Variants in GRID1 observed in about 807,000 individuals in gnomAD.
GRID1 encodes the protein glutamate ionotropic receptor delta type subunit 1, also known as glutamate receptor ionotropic, delta-1.
A neutral mutation model predicts 98.0 loss-of-function variants in GRID1; 28 were observed. That is an observed-to-expected ratio of 0.29 (90% CI 0.21 to 0.39). The LOEUF (loss-of-function observed/expected upper bound fraction) is 0.39. GRID1 is among the 10% of genes least tolerant of loss of function. The pLI is 1.00. For synonymous variants in GRID1, 553 were observed against 538.5 expected (o/e 1.03, Z -0.37); for missense variants, 1,111 against 1,340.5 (o/e 0.83, Z 2.67).
At chr10:85,696,888 A>C (rs1366742778) in intron 12 of GRID1, among the ~76,000 whole-genome samples, 1 of 152,050 alleles carries the variant, frequency 6.6e-6, no homozygotes, top group African/African-American at 2.4e-5. Flanking sequence ...CTAATACTTC[A>C]GTAATATTTT....
At chr10:86,202,606 T>G (rs911066267) in intron 3 of GRID1, among the ~76,000 whole-genome samples, 8 of 152,252 alleles carry the variant, frequency 5.3e-5, no homozygotes, top group Non-Finnish European at 8.8e-5. Flanking sequence ...CATACAAGTA[T>G]TTTCAGTGGA....
chr10:86,056,517 T>C (rs1041262084), intron 4 of GRID1, among the ~76,000 whole-genome samples: 1 of 152,178 alleles, frequency 6.6e-6, no homozygotes, highest in Non-Finnish European at 1.5e-5. Flanking sequence ...GATCTGCTTA[T>C]GAATTCCTAC....
intron 2 of GRID1, among the ~76,000 whole-genome samples, chr10:86,273,125 A>G (rs947072021): frequency 6.9e-6 from 1 of 145,790 alleles, no homozygotes; most frequent in Non-Finnish European, 1.5e-5. Flanking sequence ...ATGTGTTCTC[A>G]TTGTTCAATT....
At chr10:85,778,119 A>G (rs898133619) in intron 8 of GRID1, among the ~76,000 whole-genome samples, 1 of 152,164 alleles carries the variant, frequency 6.6e-6, no homozygotes, top group African/African-American at 2.4e-5. Context: ...CTAGAACTAC[A>G]TGGACGAGAA....
At chr10:85,770,889 G>A (rs1232245762) in intron 8 of GRID1, among the ~76,000 whole-genome samples, 2 of 152,188 alleles carry the variant, frequency 1.3e-5, no homozygotes, top group Non-Finnish European at 2.9e-5. Context: ...GAACCAAGAT[G>A]GAAAACACTC....
At chr10:85,855,915 T>G (rs1453157357) in intron 7 of GRID1, 114 bp downstream of exon 7, 1 of 867,836 alleles carries the variant, frequency 1.2e-6, no homozygotes, top group East Asian at 2.4e-5. Context: ...GGGAGGGGCC[T>G]ACTGGGGCAG....
chr10:85,736,880 G>A (rs142134823), intron 8 of GRID1, among the ~76,000 whole-genome samples: 2 of 152,278 alleles, frequency 1.3e-5, no homozygotes, highest in East Asian at 3.9e-4. Flanking sequence ...CTTGGAAGGA[G>A]AGTGTGAACA....
chr10:85,744,124 T>G (rs1841975662), intron 8 of GRID1, among the ~76,000 whole-genome samples: 1 of 152,158 alleles, frequency 6.6e-6, no homozygotes, highest in South Asian at 2.1e-4. Context: ...GGTATACCTG[T>G]AAACCCTTTC....
chr10:86,028,291 T>C (rs1486129373), intron 4 of GRID1, among the ~76,000 whole-genome samples: 1 of 152,218 alleles, frequency 6.6e-6, no homozygotes, highest in Non-Finnish European at 1.5e-5. Context: ...TGTATGCTGT[T>C]TGGGGGCAAC....
chr10:85,639,107 T>C (rs1278959251), intron 13 of GRID1, among the ~76,000 whole-genome samples: 3 of 152,230 alleles, frequency 2.0e-5, no homozygotes, highest in Non-Finnish European at 2.9e-5. Flanking sequence ...TTCAACAAAG[T>C]ACTTGTATAA....
chr10:86,135,587 G>A (rs1844912407), intron 4 of GRID1, among the ~76,000 whole-genome samples: 1 of 152,024 alleles, frequency 6.6e-6, no homozygotes, highest in Non-Finnish European at 1.5e-5. Flanking sequence ...ACTGAGCGAG[G>A]GATGTGAGGG....
At chr10:86,136,940 C>G (rs138203010) in intron 4 of GRID1, among the ~76,000 whole-genome samples, 2 of 152,044 alleles carry the variant, frequency 1.3e-5, no homozygotes, top group Non-Finnish European at 2.9e-5. Context: ...GCACATGTAC[C>G]CCCTGTACCT....
intron 2 of GRID1, among the ~76,000 whole-genome samples, chr10:86,315,223 C>A (rs1480137445): frequency 6.6e-6 from 1 of 152,164 alleles, no homozygotes; most frequent in African/African-American, 2.4e-5. Context: ...CTTGTGGAGA[C>A]CCCATAAAGC....
At chr10:85,961,998 C>G (rs972587730) in intron 4 of GRID1, among the ~76,000 whole-genome samples, 10 of 151,928 alleles carry the variant, frequency 6.6e-5, no homozygotes, top group African/African-American at 2.2e-4. Context: ...AATAAGGAAG[C>G]AAAAAGAGCA....
chr10:86,237,443 G>A (rs998031133), intron 2 of GRID1, among the ~76,000 whole-genome samples: 2 of 152,176 alleles, frequency 1.3e-5, no homozygotes, highest in East Asian at 1.9e-4. Flanking sequence ...GCTCACGCCT[G>A]TAATCCCAAC....
At chr10:86,100,966 T>G (rs1844287677) in intron 4 of GRID1, among the ~76,000 whole-genome samples, 2 of 152,186 alleles carry the variant, frequency 1.3e-5, no homozygotes, top group Non-Finnish European at 2.9e-5. Context: ...TGAGGCTGTT[T>G]GTTATGCACC....
intron 4 of GRID1, among the ~76,000 whole-genome samples, chr10:85,925,031 G>A (rs995932565): frequency 3.3e-5 from 5 of 152,186 alleles, no homozygotes; most frequent in South Asian, 2.1e-4. Context: ...ATAAGGAAAC[G>A]TTAATATCAG....
chr10:85,753,823 C>T (rs1842070612), intron 8 of GRID1, among the ~76,000 whole-genome samples: 1 of 152,168 alleles, frequency 6.6e-6, no homozygotes, highest in Non-Finnish European at 1.5e-5. Flanking sequence ...CCTCAGAGGC[C>T]TCCCTTCTTC....
intron 3 of GRID1, among the ~76,000 whole-genome samples, chr10:86,177,181 T>G (rs1462086206): frequency 3.3e-5 from 5 of 150,984 alleles, no homozygotes; most frequent in Non-Finnish European, 7.4e-5. Flanking sequence ...AAGAAAATCC[T>G]AGGGAGGAAA....
Sources: gnomAD v4.1 joint callset for allele counts (sites outside exome capture counted in the v4.1 genomes callset) on GRCh38, gnomAD v4.1.1 for gene constraint, MANE v1.5 for transcripts, NCBI Gene and HGNC (gene_info 2026-07-23, HGNC 2026-07-21) for gene names.